Variants in NTNG1 observed in about 807,000 individuals in gnomAD.
NTNG1 encodes netrin-G1.
A neutral mutation model predicts 54.0 loss-of-function variants in NTNG1; 16 were observed. The ratio of observed to expected loss-of-function variants is 0.30; its 90% CI spans 0.20 to 0.45. NTNG1 has a LOEUF of 0.45. Among genes scored for constraint, NTNG1 ranks in the 20% least tolerant of loss-of-function variants. The pLI, the probability that NTNG1 is intolerant of heterozygous loss-of-function variation, is 1.00. For synonymous variants in NTNG1, 255 were observed against 263.1 expected (o/e 0.97, Z 0.30); for missense variants, 530 against 678.7 (o/e 0.78, Z 2.43).
intron 5 of NTNG1, among the ~76,000 whole-genome samples, chr1:107,417,977 A>C (rs1308777202): frequency 6.6e-6 from 1 of 152,026 alleles, no homozygotes; most frequent in African/African-American, 2.4e-5. Context: ...ACACATACAC[A>C]CCCATACAAA....
intron 2 of NTNG1, among the ~76,000 whole-genome samples, chr1:107,205,381 T>C (rs933311575): frequency 2.0e-5 from 3 of 152,242 alleles, no homozygotes; most frequent in South Asian, 2.1e-4. Context: ...TTTCAACTTA[T>C]CCAGCGTTTC....
chr1:107,444,187 A>G (rs529335683), intron 7 of NTNG1, among the ~76,000 whole-genome samples: 2 of 152,250 alleles, frequency 1.3e-5, no homozygotes, highest in Admixed American at 6.5e-5. Context: ...GCTAATAGCC[A>G]TTGCATTCCA....
chr1:107,436,188 A>G (rs1475089782), intron 6 of NTNG1, among the ~76,000 whole-genome samples: 1 of 152,210 alleles, frequency 6.6e-6, no homozygotes, highest in Non-Finnish European at 1.5e-5. Context: ...GCTGTCCCAA[A>G]TCATAAAGTA....
intron 3 of NTNG1, among the ~76,000 whole-genome samples, chr1:107,366,061 C>T (rs188089557): frequency 6.6e-6 from 1 of 152,264 alleles, no homozygotes; most frequent in African/African-American, 2.4e-5. Flanking sequence ...TAGCAGTTGA[C>T]GCAGATCTGT....
chr1:107,481,366 T>A lies in NTNG1; in HGVS notation c.*526T>A, dbSNP rs1678703873. ...GTGAACGTTGCTCTGTAACCCTTGT[T>A]GGTTGAAAGATTTCTTTGTCTGATG... On this transcript the variant is annotated 3_prime_UTR_variant, in exon 8 of 8. Coordinates refer to ENST00000370068, the MANE Select transcript of NTNG1 (RefSeq NM_001113226.3). 6.5e-6 allele frequency: 1 copy of A among 153,936 alleles called. No individual in the cohort carries two copies. Among genetic ancestry groups the A allele is most frequent in the Non-Finnish European group, 1.4e-5 (1 of 69,198 alleles). The allele number at this position is 153,936 out of a possible 1,614,324, so 9.5% of individuals were successfully genotyped here.
intron 2 of NTNG1, among the ~76,000 whole-genome samples, chr1:107,185,497 T>C (rs942739351): frequency 5.3e-5 from 8 of 152,118 alleles, no homozygotes; most frequent in Non-Finnish European, 1.0e-4. Flanking sequence ...ACAAACCATA[T>C]TGGAATTAGG....
At chr1:107,269,127 A>G (rs1663958599) in intron 2 of NTNG1, among the ~76,000 whole-genome samples, 1 of 152,190 alleles carries the variant, frequency 6.6e-6, no homozygotes, top group South Asian at 2.1e-4. Context: ...TTAGTGACCC[A>G]GCTACCTCCC....
chr1:107,231,739 A>AAGCT (rs1369779868), intron 2 of NTNG1, among the ~76,000 whole-genome samples: 1 of 152,124 alleles, frequency 6.6e-6, no homozygotes, highest in Non-Finnish European at 1.5e-5. Flanking sequence ...CAGTATCTGT[A>AAGCT]AGCTGGTCCT....
At chr1:107,205,659 C>T (rs539587389) in intron 2 of NTNG1, among the ~76,000 whole-genome samples, 68 of 152,026 alleles carry the variant, frequency 4.5e-4, no homozygotes, top group African/African-American at 1.4e-3. Context: ...CTAACATACA[C>T]GCAGAAATGT....
intron 2 of NTNG1, among the ~76,000 whole-genome samples, chr1:107,216,197 G>C (rs1422371659): frequency 6.6e-6 from 1 of 152,122 alleles, no homozygotes; most frequent in Non-Finnish European, 1.5e-5. Flanking sequence ...AATAGAAGTG[G>C]TGAAAGTGGG....
chr1:107,431,984 A>T (rs1675295996), intron 6 of NTNG1, among the ~76,000 whole-genome samples: 1 of 152,200 alleles, frequency 6.6e-6, no homozygotes, highest in Non-Finnish European at 1.5e-5. Context: ...TCACAAAAAA[A>T]AGCTGTTGAG....
At chr1:107,150,646 T>C (rs1282244710) in intron 2 of NTNG1, among the ~76,000 whole-genome samples, 1 of 152,198 alleles carries the variant, frequency 6.6e-6, no homozygotes, top group Non-Finnish European at 1.5e-5. Context: ...GTGTGATGTT[T>C]TCAAGGTGTG....
chr1:107,474,672 G>A (rs1207890038), intron 7 of NTNG1, among the ~76,000 whole-genome samples: 2 of 152,216 alleles, frequency 1.3e-5, no homozygotes, highest in Non-Finnish European at 2.9e-5. Context: ...CTCACATCTT[G>A]TAATGGCCTT....
At chr1:107,456,691 T>G (rs370495160) in intron 7 of NTNG1, among the ~76,000 whole-genome samples, 4 of 152,212 alleles carry the variant, frequency 2.6e-5, no homozygotes, top group Non-Finnish European at 5.9e-5. Flanking sequence ...AGTAGGGAAG[T>G]CAGAGCTAGT....
chr1:107,308,161 A>T (rs963741438), intron 2 of NTNG1, among the ~76,000 whole-genome samples: 1 of 151,948 alleles, frequency 6.6e-6, no homozygotes, highest in African/African-American at 2.4e-5. Flanking sequence ...GTTTAATTAG[A>T]TCCTGTTTGT....
At chr1:107,151,018 G>C (rs181371386) in intron 2 of NTNG1, among the ~76,000 whole-genome samples, 1 of 152,276 alleles carries the variant, frequency 6.6e-6, no homozygotes, top group South Asian at 2.1e-4. Context: ...AGTGTGATGC[G>C]GATATTTGGA....
intron 2 of NTNG1, among the ~76,000 whole-genome samples, chr1:107,205,105 CTCATTTAAT>C (rs1447357565): frequency 1.3e-5 from 2 of 152,178 alleles, no homozygotes; most frequent in African/African-American, 2.4e-5. Context: ...GTGTCTCACT[CTCATTTAAT>C]TCACACTCAA....
intron 2 of NTNG1, among the ~76,000 whole-genome samples, chr1:107,285,456 G>T (rs1665133077): frequency 6.6e-6 from 1 of 152,090 alleles, no homozygotes; most frequent in Non-Finnish European, 1.5e-5. Flanking sequence ...TCAAAGGCTT[G>T]TATTCACACA....
chr1:107,153,767 G>A (rs1021188453), intron 2 of NTNG1, among the ~76,000 whole-genome samples: 1 of 152,084 alleles, frequency 6.6e-6, no homozygotes, highest in East Asian at 1.9e-4. Flanking sequence ...CTTCTCATCA[G>A]GACTCTATAG....
Sources: allele counts gnomAD v4.1 joint callset (sites outside exome capture counted in the v4.1 genomes callset), GRCh38; gene constraint gnomAD v4.1.1; transcripts MANE v1.5; gene names NCBI Gene and HGNC (gene_info 2026-07-23, HGNC 2026-07-21).